OPHN1: variants seen among roughly 807,000 people sequenced by gnomAD.
The protein encoded by OPHN1 is oligophrenin 1, also known as oligophrenin-1.
Under a neutral mutation model 60.7 loss-of-function variants are expected in OPHN1, and 11 were observed. The ratio of observed to expected loss-of-function variants is 0.18; its 90% confidence interval spans 0.11 to 0.30. The LOEUF is 0.30. Ranked by LOEUF, OPHN1 falls within the 10% of genes least tolerant of loss-of-function variation. The pLI is 1.00. For synonymous variants in OPHN1, 226 were observed against 222.6 expected, an observed-to-expected ratio of 1.02 and a Z score of -0.14; for missense variants, 449 against 611.0, an observed-to-expected ratio of 0.73 and a Z score of 2.80.
chrX:68,392,763 G>A (rs1488161449), intron 2 of OPHN1, among the ~76,000 whole-genome samples: 1 of 109,238 alleles, frequency 9.2e-6, no homozygotes, highest in African/African-American at 3.3e-5. Context: ...TGAAGGCCAA[G>A]AGGAGTTCAG....
chrX:68,384,677 G>A (rs1233604648), intron 2 of OPHN1, among the ~76,000 whole-genome samples: 4 of 109,003 alleles, frequency 3.7e-5, no homozygotes, highest in African/African-American at 6.8e-5. Flanking sequence ...AGCCAAGATC[G>A]TGCCACTGCA....
intron 2 of OPHN1, among the ~76,000 whole-genome samples, chrX:68,317,535 G>A (rs566419741): frequency 1.6e-3 from 57 of 35,800 alleles, no homozygotes; most frequent in African/African-American, 3.0e-3. Flanking sequence ...AAGAAAGAAA[G>A]AAAAAAAGAA....
chrX:68,379,599 G>A (rs975719886), intron 2 of OPHN1, among the ~76,000 whole-genome samples: 5 of 106,588 alleles, frequency 4.7e-5, no homozygotes, highest in South Asian at 4.3e-4. Context: ...TTTGAGATAC[G>A]TCCCATCAAT....
intron 2 of OPHN1, among the ~76,000 whole-genome samples, chrX:68,391,641 T>C (rs747747288): frequency 9.0e-6 from 1 of 111,716 alleles, no homozygotes; most frequent in Non-Finnish European, 1.9e-5. Flanking sequence ...GGGACTCTGC[T>C]AGTGTGTGGT....
Position 68,362,031 on chromosome X carries a change from C to A in OPHN1, c.155-62935G>T, listed in dbSNP as rs189185806. ...TTATATGTCTTCTTTTGAGAAATGT[C>A]TTTTCAGGTCCTTTGTCTATTTTTA... On this transcript the variant is annotated intron_variant, in intron 2 of 24. Coordinates refer to ENST00000355520, the MANE Select transcript of OPHN1 (RefSeq NM_002547.3). Among the ~76,000 whole-genome samples, 135 of 112,057 alleles carry A rather than the reference C, an allele frequency of 1.2e-3. No individual in the cohort carries two copies. The East Asian group carries it at 0.014, about 12-fold the overall frequency.
intron 15 of OPHN1, among the ~76,000 whole-genome samples, chrX:68,185,492 G>A (rs1602220531): frequency 9.0e-6 from 1 of 111,578 alleles, no homozygotes; most frequent in East Asian, 2.8e-4. Flanking sequence ...AGTTTTCCCA[G>A]ATGACAGCTA....
chrX:68,180,527 C>A (rs2077432027), intron 15 of OPHN1, among the ~76,000 whole-genome samples: 2 of 111,601 alleles, frequency 1.8e-5, no homozygotes, highest in South Asian at 7.5e-4. Context: ...GTTGGTTCAA[C>A]TTAATTACTT....
At chrX:68,059,615 G>T (rs1349997393) in intron 21 of OPHN1, among the ~76,000 whole-genome samples, 1 of 112,153 alleles carries the variant, frequency 8.9e-6, no homozygotes, top group Non-Finnish European at 1.9e-5. Context: ...TACTGCAAGA[G>T]CAAGTCTGTT....
rs984725368 is a variant in OPHN1 at position 68,279,101 on chromosome X, C to CTTTTTT, written c.312+3949_312+3954dup. 4.9e-3 allele frequency among the ~76,000 whole-genome samples: 107 copies of CTTTTTT among 21,798 alleles called. 14 individuals are homozygous for CTTTTTT. Among genetic ancestry groups the CTTTTTT allele is most frequent in the Admixed American group, 6.6e-3 (7 of 1,059 alleles). 18.9% of individuals were successfully genotyped at this position (21,798 alleles called of 115,157 possible). On this transcript the variant is annotated intron_variant, in intron 4 of 24. Transcript: ENST00000355520. ...AGACTTTTCAAGGCCCTCCCCCGCT[C>CTTTTTT]TTTTTTTTTTTTTTTTTTTTTTTTT...
intron 20 of OPHN1, 39 bp downstream of exon 20, chrX:68,073,113 A>T (rs1201888158): frequency 1.7e-6 from 2 of 1,182,336 alleles, no homozygotes; most frequent in Non-Finnish European, 2.3e-6. Context: ...TTTGTGTCTA[A>T]TCACCATTCA....
intron 15 of OPHN1, among the ~76,000 whole-genome samples, chrX:68,120,346 C>G (rs933036333): frequency 2.7e-5 from 3 of 111,552 alleles, no homozygotes; most frequent in Non-Finnish European, 5.6e-5. Flanking sequence ...TTTCTACAGA[C>G]TAACAATGAA....
At chrX:68,397,715 G>T (rs748852825) in intron 2 of OPHN1, among the ~76,000 whole-genome samples, 63 of 107,375 alleles carry the variant, frequency 5.9e-4, no homozygotes, top group African/African-American at 2.1e-3. Flanking sequence ...TAGGGACAGG[G>T]TTTCACCACG....
chrX:68,232,324 G>A (rs1384369154), intron 6 of OPHN1, among the ~76,000 whole-genome samples: 1 of 111,548 alleles, frequency 9.0e-6, no homozygotes, highest in African/African-American at 3.3e-5. Context: ...CAGTGAAAGC[G>A]TACACAGCCG....
At chrX:68,210,723 A>T (rs978675886) in intron 8 of OPHN1, among the ~76,000 whole-genome samples, 8 of 112,092 alleles carry the variant, frequency 7.1e-5, no homozygotes, top group African/African-American at 2.6e-4. Context: ...AGAACATAAA[A>T]TATACGAGAG....
intron 15 of OPHN1, among the ~76,000 whole-genome samples, chrX:68,152,734 C>G (rs1216688826): frequency 9.0e-6 from 1 of 110,632 alleles, no homozygotes; most frequent in Non-Finnish European, 1.9e-5. Context: ...TTAGCCACCC[C>G]ACTTGGCCTG....
At chrX:68,313,889 T>C (rs1170134728) in intron 2 of OPHN1, among the ~76,000 whole-genome samples, 3 of 111,818 alleles carry the variant, frequency 2.7e-5, no homozygotes, top group African/African-American at 9.7e-5. Context: ...CTTGACATGA[T>C]TGAATACCTC....
chrX:68,371,211 TTTTC>T (rs1413963960), intron 2 of OPHN1, among the ~76,000 whole-genome samples: 12 of 105,028 alleles, frequency 1.1e-4, no homozygotes, highest in Non-Finnish European at 1.3e-4. Flanking sequence ...AGTTTTTTCT[TTTTC>T]TTTCTTTTTT....
intron 15 of OPHN1, among the ~76,000 whole-genome samples, chrX:68,163,413 G>A (rs2077344002): frequency 1.1e-5 from 1 of 91,806 alleles, no homozygotes; most frequent in South Asian, 6.1e-4. Flanking sequence ...TTTTAAGGCT[G>A]AATGAAAATC....
intron 21 of OPHN1, among the ~76,000 whole-genome samples, chrX:68,055,167 T>C (rs1383109053): frequency 1.8e-5 from 2 of 111,864 alleles, no homozygotes; most frequent in Non-Finnish European, 3.8e-5. Context: ...GGCAAACCCT[T>C]GACTCTTACT....
Sources: gnomAD v4.1 joint callset for allele counts (sites outside exome capture counted in the v4.1 genomes callset) on GRCh38, gnomAD v4.1.1 for gene constraint, MANE v1.5 for transcripts, NCBI Gene and HGNC (gene_info 2026-07-23, HGNC 2026-07-21) for gene names.